The following CCDC30 variants were observed in gnomAD, a reference collection of about 807,000 sequenced individuals.
The protein encoded by CCDC30 is coiled-coil domain containing 30.
A neutral mutation model predicts 100.2 loss-of-function variants in CCDC30; 70 were observed. The observed-to-expected ratio is 0.70, with a 90% CI of 0.58 to 0.85. CCDC30 has a LOEUF of 0.85. Among genes scored for constraint, CCDC30 ranks in the 40% least tolerant of loss-of-function variants. The probability of loss-of-function intolerance (pLI) is 0.00; values close to 1 mark genes in which losing one functional copy is unlikely to be tolerated. For synonymous variants in CCDC30, 233 were observed against 269.5 expected, an observed-to-expected ratio of 0.86 and a Z score of 1.33; for missense variants, 652 against 771.2, an observed-to-expected ratio of 0.85 and a Z score of 1.83.
At chr1:42,560,234 TA>T (rs764015548) in intron 6 of CCDC30, among the ~76,000 whole-genome samples, 17 of 151,966 alleles carry the variant, frequency 1.1e-4, no homozygotes, top group Non-Finnish European at 2.2e-4. Flanking sequence ...TTAAAAGAGC[TA>T]GAGAGGCAGA....
At chr1:42,618,229 C>CTTTTTTTTTTTTTTTT (rs563022326) in intron 11 of CCDC30, among the ~76,000 whole-genome samples, 1 of 90,464 alleles carries the variant, frequency 1.1e-5, no homozygotes, top group African/African-American at 4.5e-5. Context: ...CCAGTGATAT[C>CTTTTTTTTTTTTTTTT]TTTTTTTTTT....
chr1:42,586,059 A>G (rs766608546), intron 9 of CCDC30, among the ~76,000 whole-genome samples: 4 of 152,230 alleles, frequency 2.6e-5, no homozygotes, highest in Admixed American at 6.5e-5. Flanking sequence ...GGTTGCCATG[A>G]TAGTACATAA....
At position 42,500,426 on chromosome 1, in the gene CCDC30, T is replaced by G. The variant is rs1048669069; in HGVS notation, c.456+1510T>G. On this transcript the variant is annotated intron_variant, in intron 6 of 16. Transcript: ENST00000668663. ...GCCACCACCGAGTTCTCTCTTTTTT[T>G]TTTTTGAGACAGAGTCTCGCTCTGT... 11 of 863,626 alleles carry G rather than the reference T, an allele frequency of 1.3e-5. No homozygotes were observed. The South Asian group carries it at 1.6e-4, about 12-fold the overall frequency. The allele number at this position is 863,626 out of a possible 1,614,324, so 53.5% of individuals were successfully genotyped here.
At chr1:42,652,819 C>T (rs1430927639) in intron 15 of CCDC30, among the ~76,000 whole-genome samples, 1 of 152,016 alleles carries the variant, frequency 6.6e-6, no homozygotes, top group African/African-American at 2.4e-5. Flanking sequence ...ATGAAACATC[C>T]AGAATAAGGA....
chr1:42,633,239 G>A (rs1001319505), intron 11 of CCDC30, among the ~76,000 whole-genome samples: 33 of 152,166 alleles, frequency 2.2e-4, no homozygotes. Flanking sequence ...TCTGAATGGG[G>A]GCAGGTAATG....
At chr1:42,460,220 A>G (rs896799668), upstream of CCDC30, 20 of 1,087,994 alleles carry the variant, frequency 1.8e-5, no homozygotes, top group Non-Finnish European at 2.2e-5. Context: ...TCTTTATACT[A>G]TAGAAAAAGG....
chr1:42,463,071 C>T (rs560690673), upstream of CCDC30, among the ~76,000 whole-genome samples: 94 of 152,316 alleles, frequency 6.2e-4, no homozygotes, highest in Non-Finnish European at 1.2e-3. Context: ...CGCAAACGCT[C>T]GACATGTTAC....
chr1:42,641,646 C>T lies in CCDC30; in HGVS notation c.1420-827C>T, dbSNP rs551625970. On this transcript the variant is annotated intron_variant, in intron 12 of 16. Transcript: ENST00000668663. ...CTTTGGGAGGCCTAGGCGGGCAGATCACTTGTGATCAGGAGTTTGAGATCA... is the reference window on the plus strand; with the variant it reads ...CTTTGGGAGGCCTAGGCGGGCAGATTACTTGTGATCAGGAGTTTGAGATCA... Among the ~76,000 whole-genome samples the T allele has an allele frequency of 3.9e-5, 6 of 152,246 alleles. No individual in the cohort carries two copies. In the South Asian group the frequency reaches 1.2e-3, roughly 32 times the overall value.
chr1:42,488,353 T>C (rs1644084535), intron 3 of CCDC30, among the ~76,000 whole-genome samples: 1 of 152,210 alleles, frequency 6.6e-6, no homozygotes, highest in Non-Finnish European at 1.5e-5. Context: ...GGTTTCACTC[T>C]GTTGCCCAGA....
chr1:42,553,611 G>T (rs1235487115), intron 6 of CCDC30, among the ~76,000 whole-genome samples: 1 of 149,348 alleles, frequency 6.7e-6, no homozygotes, highest in Non-Finnish European at 1.5e-5. Context: ...AGCTATGATC[G>T]CCCCACTGCA....
chr1:42,523,294 C>T (rs747068271), intron 6 of CCDC30, among the ~76,000 whole-genome samples: 10 of 152,156 alleles, frequency 6.6e-5, no homozygotes, highest in Non-Finnish European at 1.2e-4. Context: ...CAGCTTTTCT[C>T]CCCCAGACAT....
intron 6 of CCDC30, among the ~76,000 whole-genome samples, chr1:42,504,563 A>G (rs967740873): frequency 1.2e-4 from 19 of 152,336 alleles, no homozygotes; most frequent in African/African-American, 3.4e-4. Context: ...TGTAATACTC[A>G]TTTGCCTCCA....
At position 42,473,496 on chromosome 1, in the gene CCDC30, G is replaced by A. The variant is rs910913434; in HGVS notation, c.-91-6965G>A. ...GGTTTCCATTAAGACTCCATGTATA[G>A]GATGTTGCCCAGTGATGACTGGCTG... On this transcript the variant is annotated intron_variant, in intron 1 of 16. Coordinates refer to ENST00000668663, the Ensembl canonical transcript of CCDC30. 2.6e-5 allele frequency: 10 copies of A among 386,790 alleles called. No homozygotes were observed. The South Asian group carries it at 1.4e-3, about 56-fold the overall frequency. The allele number at this position is 386,790 out of a possible 1,614,324, so 24.0% of individuals were successfully genotyped here.
chr1:42,629,848 T>C (rs1321326653), intron 11 of CCDC30, among the ~76,000 whole-genome samples: 2 of 151,996 alleles, frequency 1.3e-5, no homozygotes, highest in African/African-American at 4.8e-5. Flanking sequence ...ACTCCTGACC[T>C]CGTGATCCGT....
intron 6 of CCDC30, among the ~76,000 whole-genome samples, chr1:42,538,149 CAAAAAAAAAAAAAAAAAA>C (rs776412637): frequency 1.2e-5 from 1 of 82,378 alleles, no homozygotes; most frequent in African/African-American, 6.6e-5. Context: ...ACTGTCTCCA[CAAAAAAAAAAAAAAAAAA>C]AAAAAAAAAA....
At chr1:42,459,862 TAGAAG>T, upstream of CCDC30, 1 of 1,614,160 alleles carries the variant, frequency 6.2e-7, no homozygotes, top group Non-Finnish European at 8.5e-7. Flanking sequence ...GGCGTAGAGA[TAGAAG>T]AGAAGATAGT....
At chr1:42,494,513 A>C (rs1644198803) in intron 4 of CCDC30, among the ~76,000 whole-genome samples, 1 of 152,142 alleles carries the variant, frequency 6.6e-6, no homozygotes, top group African/African-American at 2.4e-5. Context: ...ATGGGATCTA[A>C]TTAAACTAAA....
intron 6 of CCDC30, among the ~76,000 whole-genome samples, chr1:42,540,981 CA>C (rs773854168): frequency 6.6e-5 from 10 of 152,196 alleles, no homozygotes; most frequent in Non-Finnish European, 1.3e-4. Flanking sequence ...CTTCAATCTG[CA>C]AAAGTTCCTC....
intron 6 of CCDC30, among the ~76,000 whole-genome samples, chr1:42,531,623 G>A (rs1040334098): frequency 6.6e-6 from 1 of 152,204 alleles, no homozygotes; most frequent in East Asian, 1.9e-4. Context: ...TTAGCTAGGC[G>A]TGGCGGCGCA....
Sources: allele counts gnomAD v4.1 joint callset (sites outside exome capture counted in the v4.1 genomes callset), GRCh38; gene constraint gnomAD v4.1.1; transcripts MANE v1.5; gene names NCBI Gene and HGNC (gene_info 2026-07-23, HGNC 2026-07-21).